Variants in CPB1 observed in about 807,000 individuals in gnomAD.
CPB1 encodes carboxypeptidase B1.
CPB1 carries 53 observed loss-of-function variants against 51.4 expected under a neutral mutation model. The observed-to-expected ratio is 1.03, with a 90% confidence interval of 0.83 to 1.30. The LOEUF (loss-of-function observed/expected upper bound fraction) is 1.30, where lower values mean the gene tolerates loss of function less well. CPB1 is among the 50% of genes most tolerant of loss of function. The probability of loss-of-function intolerance (pLI) is 0.00; values close to 1 mark genes in which losing one functional copy is unlikely to be tolerated. For synonymous variants in CPB1, 189 were observed against 186.9 expected (o/e 1.01, Z -0.09); for missense variants, 494 against 516.2 (o/e 0.96, Z 0.42).
chr3:148,841,281 T>C (rs1352904480), intron 5 of CPB1, among the ~76,000 whole-genome samples: 1 of 150,984 alleles, frequency 6.6e-6, no homozygotes, highest in East Asian at 1.9e-4. Context: ...CCAGCTGTGG[T>C]TTGCAAATCC....
chr3:148,841,207 T>C (rs1713070654), intron 5 of CPB1, among the ~76,000 whole-genome samples: 1 of 152,218 alleles, frequency 6.6e-6, no homozygotes. Context: ...AGAAGACCTA[T>C]AAATTTAACC....
rs993036997 is a variant in CPB1, at chr3:148,854,811, G to C, written c.982-2646G>C. 5.3e-5 allele frequency: 8 copies of C among 152,316 alleles called. No homozygotes were observed. In the East Asian group the frequency reaches 1.5e-3, roughly 29 times the overall value. 9.4% of individuals were successfully genotyped at this position (152,316 alleles called of 1,614,324 possible). ...CAAAAACAACTGATTATAGCATACA[G>C]TGAACCCTGATAAAAGTGTGGGCCC... On this transcript the variant is annotated intron_variant, in intron 9 of 10. Coordinates refer to ENST00000282957, the MANE Select transcript of CPB1 (RefSeq NM_001871.3).
At chr3:148,834,726 T>G in intron 3 of CPB1, 104 bp downstream of exon 3, 1 of 1,111,428 alleles carries the variant, frequency 9.0e-7, no homozygotes, top group Non-Finnish European at 1.3e-6. Context: ...GACCAATGCC[T>G]TCCCCAGGAC....
At chr3:148,836,199 C>T (rs2108012591) in intron 3 of CPB1, among the ~76,000 whole-genome samples, 1 of 151,942 alleles carries the variant, frequency 6.6e-6, no homozygotes, top group Non-Finnish European at 1.5e-5. Context: ...TATGTTTAAC[C>T]CCATTATCAT....
At chr3:148,856,111 T>A (rs949308835) in intron 9 of CPB1, 2 of 152,216 alleles carry the variant, frequency 1.3e-5, no homozygotes, top group Non-Finnish European at 2.9e-5. Flanking sequence ...ACAGTAAAGA[T>A]TTCATGCAGT....
chr3:148,852,927 T>A (rs1312231426), intron 9 of CPB1, among the ~76,000 whole-genome samples: 1 of 152,188 alleles, frequency 6.6e-6, no homozygotes. Context: ...TCTCAAAACA[T>A]ATTTGCTTTT....
intron 2 of CPB1, among the ~76,000 whole-genome samples, 196 bp downstream of exon 2, chr3:148,828,273 T>C (rs987186367): frequency 2.6e-5 from 4 of 152,220 alleles, no homozygotes; most frequent in Admixed American, 1.3e-4. Flanking sequence ...TGTAGTATTA[T>C]AAATCCATGG....
intron 2 of CPB1, among the ~76,000 whole-genome samples, chr3:148,830,475 T>C (rs544412909): frequency 1.3e-5 from 2 of 152,278 alleles, no homozygotes; most frequent in East Asian, 3.9e-4. Flanking sequence ...ACTATTTACA[T>C]AGGAGATTGT....
At chr3:148,843,265 A>T (rs1325387454) in intron 6 of CPB1, among the ~76,000 whole-genome samples, 2 of 152,180 alleles carry the variant, frequency 1.3e-5, no homozygotes, top group South Asian at 4.1e-4. Context: ...GGTAACATTC[A>T]GGAAGCTGGA....
rs373288927 is a variant in CPB1 at position 148,844,633 on chromosome 3, C to T, written c.688-44C>T. ...GAGAGGCTGATGAAATTAAAACCAA[C>T]GCCTCTCTATTATATTTGTCCTAAC... is the stretch of plus-strand genomic sequence containing the variant. On this transcript the variant is annotated intron_variant, in intron 7 of 10. Coordinates refer to ENST00000282957, the MANE Select transcript of CPB1 (RefSeq NM_001871.3). The T allele has an allele frequency of 9.8e-4, 1,575 of 1,610,450 alleles. 36 individuals carry two copies. The South Asian group carries it at 0.016, about 16-fold the overall frequency.
chr3:148,837,755 C>A (rs775671857), intron 3 of CPB1, among the ~76,000 whole-genome samples: 2 of 151,970 alleles, frequency 1.3e-5, no homozygotes, highest in Non-Finnish European at 2.9e-5. Flanking sequence ...TTCAACCTCA[C>A]TCTGATGCTC....
At chr3:148,854,457 T>C (rs1266573360) in intron 9 of CPB1, 3 of 152,134 alleles carry the variant, frequency 2.0e-5, no homozygotes, top group African/African-American at 7.2e-5. Flanking sequence ...GAGAAAGGAT[T>C]CATAGACTTT....
In CPB1 at chr3:148,857,205, C is replaced by G. The variant is rs1043105561; in HGVS notation, c.982-252C>G. The G allele has an allele frequency of 9.9e-6, 3 of 303,944 alleles. No homozygotes were observed. In the East Asian group the frequency reaches 1.9e-4, roughly 19 times the overall value. The allele number at this position is 303,944 out of a possible 1,614,324, so 18.8% of individuals were successfully genotyped here. ...GTCTCCTGCTTTTCTGTTACAAACT[C>G]TTACAAGACAAGATAAATAGAGGCT... On this transcript the variant is annotated intron_variant, in intron 9 of 10. Coordinates refer to ENST00000282957, the MANE Select transcript of CPB1 (RefSeq NM_001871.3).
chr3:148,831,628 CG>C (rs1315062014), intron 2 of CPB1, among the ~76,000 whole-genome samples: 1 of 152,044 alleles, frequency 6.6e-6, no homozygotes, highest in African/African-American at 2.4e-5. Flanking sequence ...GTTAGGCAGC[CG>C]GCTGATTAAA....
intron 2 of CPB1, among the ~76,000 whole-genome samples, chr3:148,828,746 T>C (rs1354329834): frequency 6.6e-6 from 1 of 152,188 alleles, no homozygotes; most frequent in African/African-American, 2.4e-5. Flanking sequence ...GCCAATGCCG[T>C]TTCTTCATAA....
intron 3 of CPB1, among the ~76,000 whole-genome samples, chr3:148,838,591 T>C (rs1048296209): frequency 6.6e-6 from 1 of 152,220 alleles, no homozygotes; most frequent in African/African-American, 2.4e-5. Flanking sequence ...TGAACTATTT[T>C]TTAGTTTTCC....
At chr3:148,857,069 T>TGTTTTTTTG (rs201153962) in intron 9 of CPB1, 4,758 of 142,788 alleles carry the variant, frequency 0.033, 111 homozygotes, top group Middle Eastern at 0.069. Context: ...AGTGTTTTTT[T>TGTTTTTTTG]TTTTTTTTTT....
rs966121951 is a variant in CPB1, at chr3:148,845,613, A to G, written c.968A>G (p.Asn323Ser). 7.4e-6 allele frequency: 12 copies of G among 1,613,360 alleles called. No individual in the cohort carries two copies. The highest frequency in any genetic ancestry group is 1.0e-5 in the Non-Finnish European group (12 of 1,179,278). Residue 323 changes from asparagine (N) to serine (S), a missense_variant, in exon 9 of 11, where the codon AAC becomes AGC. Transcript: ENST00000282957. The stretch of plus-strand genomic sequence containing the variant: ...TCATATGCTTACAAACTCGGTGAGA[A>G]CAATGCTGAGTTGGTAAGTAGCAAA... ...PYSYAYKLGENNAELNALAKA... is the reference protein window; with the variant it reads ...PYSYAYKLGESNAELNALAKA...
intron 2 of CPB1, among the ~76,000 whole-genome samples, chr3:148,829,518 T>C (rs1712668878): frequency 6.6e-6 from 1 of 152,208 alleles, no homozygotes; most frequent in Non-Finnish European, 1.5e-5. Context: ...CCTCCTTTTG[T>C]GCTTACCTAA....
Sources: gnomAD v4.1 joint callset for allele counts (sites outside exome capture counted in the v4.1 genomes callset) on GRCh38, gnomAD v4.1.1 for gene constraint, MANE v1.5 for transcripts, NCBI Gene and HGNC (gene_info 2026-07-23, HGNC 2026-07-21) for gene names.